Variants in GREB1 observed in about 807,000 individuals in gnomAD.
The protein encoded by GREB1 is protein GREB1.
A neutral mutation model predicts 200.7 loss-of-function variants in GREB1; 106 were observed. The ratio of observed to expected loss-of-function variants is 0.53; its 90% CI spans 0.45 to 0.62. GREB1 has a LOEUF of 0.62. Among genes scored for constraint, GREB1 ranks in the 20% least tolerant of loss-of-function variants. The probability of loss-of-function intolerance (pLI) is 0.00; values close to 1 mark genes in which losing one functional copy is unlikely to be tolerated. For missense variants in GREB1, 2,243 were observed against 2,556.8 expected (o/e 0.88, Z 2.65); for synonymous variants, 1,132 against 1,092.4 (o/e 1.04, Z -0.72).
chr2:11,530,667 TA>T (rs57682111), upstream of GREB1, among the ~76,000 whole-genome samples: 152,099 of 152,104 alleles, frequency 1, 76,047 homozygotes, highest in Middle Eastern at 1. Flanking sequence ...GGATGTGAGT[TA>T]ATGGGGGGCA....
intron 7 of GREB1, among the ~76,000 whole-genome samples, chr2:11,583,987 G>T (rs1679793436): frequency 6.6e-6 from 1 of 152,150 alleles, no homozygotes; most frequent in Non-Finnish European, 1.5e-5. Context: ...TGGGGGTTCT[G>T]TGCAGTGCCT....
intron 1 of GREB1, among the ~76,000 whole-genome samples, chr2:11,549,731 G>A (rs1449524366): frequency 6.6e-6 from 1 of 152,096 alleles, no homozygotes; most frequent in African/African-American, 2.4e-5. Flanking sequence ...ATAGCATTCT[G>A]TTCTTGTTTT....
Position 11,556,664 on chromosome 2 carries a change from T to C in GREB1, c.50T>C (p.Val17Ala). Reference protein sequence around the residue: ...GQLKTTRFEEVLHNSIEASLR... With the variant: ...GQLKTTRFEEALHNSIEASLR... ...CTGAAGACGACACGCTTTGAAGAGG[T>C]CTTGCACAATTCCATCGAGGCATCC... is the stretch of plus-strand genomic sequence containing the variant. The change falls in exon 2 of 33, where the codon GTC becomes GCC. Residue 17 changes from valine to alanine, a missense_variant. Physicochemically the swap from Val to Ala is moderately conservative, Grantham distance 64 (BLOSUM62 0). This residue lies in a region of GREB1 where 1,178 missense variants were observed against 1,387.4 expected (regional missense o/e 0.85). Coordinates refer to ENST00000381486, the MANE Select transcript of GREB1 (RefSeq NM_014668.4). The C allele has an allele frequency of 6.2e-7, 1 of 1,613,838 alleles. No individual in the cohort carries two copies. The highest frequency in any genetic ancestry group is 8.5e-7 in the Non-Finnish European group (1 of 1,179,810).
intron 1 of GREB1, among the ~76,000 whole-genome samples, chr2:11,519,928 A>C (rs1673648560): frequency 6.6e-6 from 1 of 152,172 alleles, no homozygotes; most frequent in Admixed American, 6.5e-5. Flanking sequence ...GCTTGAGCCC[A>C]GGAGTTCAAG....
At chr2:11,578,635 C>T (rs1679136620) in intron 6 of GREB1, among the ~76,000 whole-genome samples, 1 of 152,186 alleles carries the variant, frequency 6.6e-6, no homozygotes, top group South Asian at 2.1e-4. Context: ...TTTCTTTCTT[C>T]CTGTTTGATA....
intron 2 of GREB1, among the ~76,000 whole-genome samples, chr2:11,558,450 GC>G (rs1676656585): frequency 6.6e-6 from 1 of 152,204 alleles, no homozygotes; most frequent in African/African-American, 2.4e-5. Context: ...TTCCTCCGGT[GC>G]TGCGGTTGAA....
At chr2:11,587,246 T>G (rs1335118817) in intron 9 of GREB1, 13 of 738,194 alleles carry the variant, frequency 1.8e-5, no homozygotes, top group Non-Finnish European at 3.2e-5. Context: ...AAGACTCAGC[T>G]CTGTGCCTTC....
chr2:11,574,273 C>T (rs1678610310), intron 4 of GREB1, among the ~76,000 whole-genome samples: 1 of 152,218 alleles, frequency 6.6e-6, no homozygotes, highest in Non-Finnish European at 1.5e-5. Context: ...TGCAGTCATG[C>T]TGCGAGCTTA....
intron 30 of GREB1, among the ~76,000 whole-genome samples, chr2:11,636,003 C>T (rs577881890): frequency 2.0e-5 from 3 of 152,356 alleles, no homozygotes; most frequent in East Asian, 1.9e-4. Context: ...TGATCCTGCC[C>T]TAATGCCACC....
intron 19 of GREB1, 22 bp downstream of exon 19, chr2:11,612,632 CT>C: frequency 6.7e-7 from 1 of 1,491,518 alleles, no homozygotes; most frequent in Non-Finnish European, 9.3e-7. Flanking sequence ...GGTTATGCCC[CT>C]GGGGGTCTCT....
At position 11,570,177 on chromosome 2, in the gene GREB1, G is replaced by A. The variant is rs76900441; in HGVS notation, c.454+3521G>A. 3.0e-3 allele frequency among the ~76,000 whole-genome samples: 455 copies of A among 152,198 alleles called. 13 individuals are homozygous for A. The East Asian group carries it at 0.071, about 24-fold the overall frequency. ...TAATCCCAGTACTTTGGGAGGCTGC[G>A]GGGAGTGGATCACCTGAGGCCAGGA... is the stretch of plus-strand genomic sequence containing the variant. On this transcript the variant is annotated intron_variant, in intron 4 of 32. Coordinates refer to ENST00000381486, the MANE Select transcript of GREB1 (RefSeq NM_014668.4).
intron 20 of GREB1, among the ~76,000 whole-genome samples, chr2:11,615,636 C>T (rs1378513369): frequency 2.0e-5 from 3 of 152,198 alleles, no homozygotes; most frequent in Non-Finnish European, 2.9e-5. Context: ...TTCCTCGTTC[C>T]ACTCACTGGT....
At chr2:11,598,401 C>T (rs867692988) in intron 14 of GREB1, among the ~76,000 whole-genome samples, 2 of 152,268 alleles carry the variant, frequency 1.3e-5, no homozygotes, top group African/African-American at 4.8e-5. Context: ...TCGGTTCCCT[C>T]TGTCTTACCA....
At chr2:11,552,563 C>T (rs1452884826) in intron 1 of GREB1, among the ~76,000 whole-genome samples, 2 of 152,196 alleles carry the variant, frequency 1.3e-5, no homozygotes, top group African/African-American at 4.8e-5. Context: ...CAGAGAGCTC[C>T]AGATGTACCT....
At chr2:11,523,180 A>T (rs923659484) in intron 1 of GREB1, among the ~76,000 whole-genome samples, 15 of 152,278 alleles carry the variant, frequency 9.9e-5, no homozygotes, top group Admixed American at 7.8e-4. Flanking sequence ...CTAAATGATG[A>T]GAACCAATGG....
chr2:11,625,430 T>A, intron 24 of GREB1, 118 bp downstream of exon 24: 1 of 979,154 alleles, frequency 1.0e-6, no homozygotes, highest in Non-Finnish European at 1.6e-6. Flanking sequence ...CTGCCATACC[T>A]AGTACAGAAC....
chr2:11,597,757 G>C lies in GREB1; in HGVS notation c.1955-24G>C. 1 of 1,611,218 alleles carries C rather than the reference G, an allele frequency of 6.2e-7. No homozygotes were observed. The highest frequency in any genetic ancestry group is 1.3e-5 in the African/African-American group (1 of 75,004). ...TAGCCGTGTGCCCTGGAGCTCACCTGGCATCCTGGGGCTCTGGTTCCAGGT... is the reference window on the plus strand; with the variant it reads ...TAGCCGTGTGCCCTGGAGCTCACCTCGCATCCTGGGGCTCTGGTTCCAGGT... On this transcript the variant is annotated intron_variant, in intron 13 of 32. Coordinates refer to ENST00000381486, the MANE Select transcript of GREB1 (RefSeq NM_014668.4). This position sits in a 1 kb window ranked among gnomAD's most constrained non-coding sequence, Gnocchi z 4.1.
intron 17 of GREB1, among the ~76,000 whole-genome samples, chr2:11,608,033 C>G (rs1047807535): frequency 6.6e-6 from 1 of 152,172 alleles, no homozygotes; most frequent in African/African-American, 2.4e-5. Context: ...CTCACGGTCT[C>G]TAGATTCCAG....
rs1165348875 is a variant in GREB1, at chr2:11,596,217, C to A, written c.1932C>A (p.Val644=). 4 of 1,613,842 alleles carry A rather than the reference C, an allele frequency of 2.5e-6. No homozygotes were observed. The highest frequency in any genetic ancestry group is 2.7e-5 in the African/African-American group (2 of 75,038). ...SSVTKAASLD[V]SGTPVCTSYN... Reference sequence around the variant, plus strand: ...TCACTAAAGCAGCATCCCTGGATGTCAGTGGGACACCGGTGTGCACAAGTG... The same window carrying A: ...TCACTAAAGCAGCATCCCTGGATGTAAGTGGGACACCGGTGTGCACAAGTG... Residue 644 remains valine (V), a synonymous_variant, in exon 13 of 33, where the codon GTC becomes GTA. Coordinates refer to ENST00000381486, the MANE Select transcript of GREB1 (RefSeq NM_014668.4).
Sources: allele counts gnomAD v4.1 joint callset (sites outside exome capture counted in the v4.1 genomes callset), GRCh38; gene constraint gnomAD v4.1.1; regional missense constraint gnomAD v4.1.1; non-coding constraint Gnocchi (gnomAD v3.1); transcripts MANE v1.5; gene names NCBI Gene and HGNC (gene_info 2026-07-23, HGNC 2026-07-21).